Variants in UBE2A observed in about 807,000 individuals in gnomAD.
The protein encoded by UBE2A is ubiquitin-conjugating enzyme E2 A.
For synonymous variants in UBE2A, 39 were observed against 41.1 expected (o/e 0.95, Z 0.20); for missense variants, 27 against 125.8 (o/e 0.21, Z 3.76).
intron 3 of UBE2A, among the ~76,000 whole-genome samples, chrX:119,577,370 G>A (rs2053422918): frequency 9.0e-6 from 1 of 111,249 alleles, no homozygotes; most frequent in Admixed American, 9.6e-5. Context: ...ACATCACTTT[G>A]CTGGGGATTG....
intron 4 of UBE2A, 135 bp downstream of exon 4, chrX:119,581,731 C>G: frequency 1.9e-6 from 1 of 520,323 alleles, no homozygotes; most frequent in South Asian, 3.2e-5. Context: ...TGAACTTGTT[C>G]TTGGTTGTCT....
At chrX:119,579,322 A>G (rs2053436735) in intron 3 of UBE2A, among the ~76,000 whole-genome samples, 1 of 111,994 alleles carries the variant, frequency 8.9e-6, no homozygotes, top group African/African-American at 3.2e-5. Context: ...TTGAACTGTG[A>G]GTGTTTGATG....
chrX:119,577,234 T>A (rs768169455), intron 3 of UBE2A, among the ~76,000 whole-genome samples: 1 of 112,408 alleles, frequency 8.9e-6, no homozygotes, highest in South Asian at 3.6e-4. Flanking sequence ...GCACTAGTTC[T>A]TTATACCTGA....
At chrX:119,578,708 A>G (rs1246219461) in intron 3 of UBE2A, among the ~76,000 whole-genome samples, 1 of 111,713 alleles carries the variant, frequency 9.0e-6, no homozygotes, top group East Asian at 2.8e-4. Context: ...GTCTTTAGGC[A>G]GAACATATAC....
rs1223722082 is a variant in UBE2A, at chrX:119,583,703, T to A, written c.*448T>A. The stretch of plus-strand genomic sequence containing the variant: ...AAGTGAATGTGTTTGGAATATGGCC[T>A]ACAGAGAATAGAAACAAATCCATGT... On this transcript the variant is annotated 3_prime_UTR_variant, in exon 6 of 6. Transcript: ENST00000371558. 1 of 139,480 alleles carries A rather than the reference T, an allele frequency of 7.2e-6. No homozygotes were observed. The highest frequency in any genetic ancestry group is 1.4e-5 in the Non-Finnish European group (1 of 70,696). 11.5% of individuals were successfully genotyped at this position (139,480 alleles called of 1,213,427 possible). A position where few individuals can be genotyped will look rare whatever the true frequency, so the allele number is the denominator to read the frequency against.
Position 119,574,650 on chromosome X carries a change from C to T in UBE2A, c.-62C>T. On this transcript the variant is annotated 5_prime_UTR_variant, in exon 1 of 6. Coordinates refer to ENST00000371558, the MANE Select transcript of UBE2A (RefSeq NM_003336.4). ...CCTGCTTCTCCAGCCTCTTCGGCCT[C>T]CTCGCCCGCCGCGGGAACCCGAGAC... is the stretch of plus-strand genomic sequence containing the variant. 8.6e-7 allele frequency: 1 copy of T among 1,165,516 alleles called. No individual in the cohort carries two copies. Among genetic ancestry groups the T allele is most frequent in the Non-Finnish European group, 1.1e-6 (1 of 870,601 alleles).
Position 119,584,053 on chromosome X carries a change from A to G in UBE2A, c.*798A>G, listed in dbSNP as rs2053471575. The G allele has an allele frequency of 8.9e-6, 1 of 112,301 alleles. No individual in the cohort carries two copies. The highest frequency in any genetic ancestry group is 1.9e-5 in the Non-Finnish European group (1 of 53,217). 9.3% of individuals were successfully genotyped at this position (112,301 alleles called of 1,213,427 possible). A position where few individuals can be genotyped will look rare whatever the true frequency, so the allele number is the denominator to read the frequency against. ...TTTTTAAAGGATCAGTGCTGCCCTA[A>G]GTGAATAAACTCAATTGTCCATCTT... On this transcript the variant is annotated 3_prime_UTR_variant, in exon 6 of 6. Transcript: ENST00000371558.
chrX:119,577,446 C>A (rs1018975099), intron 3 of UBE2A, among the ~76,000 whole-genome samples: 1 of 110,147 alleles, frequency 9.1e-6, no homozygotes, highest in African/African-American at 3.3e-5. Flanking sequence ...TTACAGAGTC[C>A]ATTATCTACC....
At chrX:119,581,891 T>G (rs1332232632) in intron 4 of UBE2A, among the ~76,000 whole-genome samples, 1 of 112,552 alleles carries the variant, frequency 8.9e-6, no homozygotes, top group Non-Finnish European at 1.9e-5. Flanking sequence ...TAGGCCAGAT[T>G]GGGATAGTCT....
chrX:119,580,717 C>T (rs1458488502), intron 3 of UBE2A: 1 of 112,189 alleles, frequency 8.9e-6, no homozygotes, highest in Non-Finnish European at 1.9e-5. Context: ...GCTTTAGGGC[C>T]TCCTGCTACC....
rs1018265894 is a variant in UBE2A, at chrX:119,581,382, T to G, written c.152-125T>G. ...CTAGAGATGTATTTCTTACCTGGCCTTTCCTCTCTACCCTGTATCTTTGCA... is the reference window on the plus strand; with the variant it reads ...CTAGAGATGTATTTCTTACCTGGCCGTTCCTCTCTACCCTGTATCTTTGCA... On this transcript the variant is annotated intron_variant, in intron 3 of 5. Transcript: ENST00000371558. 3.0e-5 allele frequency: 14 copies of G among 467,990 alleles called. No individual in the cohort carries two copies. The African/African-American group carries it at 3.1e-4, about 11-fold the overall frequency. The allele number at this position is 467,990 out of a possible 1,213,427, so 38.6% of individuals were successfully genotyped here.
rs753442978 is a variant in UBE2A, at chrX:119,574,690, C to A, written c.-22C>A. On this transcript the variant is annotated 5_prime_UTR_variant, in exon 1 of 6. Transcript: ENST00000371558. ...GAACCCGAGACCCCAGTGTATGCCCCACCCCTGACCCCGCTCGCGACATGT... is the reference window on the plus strand; with the variant it reads ...GAACCCGAGACCCCAGTGTATGCCCAACCCCTGACCCCGCTCGCGACATGT... 4 of 1,193,138 alleles carry A rather than the reference C, an allele frequency of 3.4e-6. No individual in the cohort carries two copies. The South Asian group carries it at 7.4e-5, about 22-fold the overall frequency.
At chrX:119,575,435 C>T (rs781570033) in intron 3 of UBE2A, 35 bp downstream of exon 3, 1 of 1,209,881 alleles carries the variant, frequency 8.3e-7, no homozygotes, top group Non-Finnish European at 1.1e-6. Flanking sequence ...TTTTCAGGAG[C>T]CTGGTCATCT....
rs966470867 is a variant in UBE2A at position 119,574,750 on chromosome X, C to T, written c.39C>T (p.Phe13=). ...TPARRRLMRD[F]KRLQEDPPAG... Reference sequence around the variant, plus strand: ...CTCGGCGGCGCCTCATGCGGGACTTCAAGAGGTAAACCGAGGGGACGGCCG... The same window carrying T: ...CTCGGCGGCGCCTCATGCGGGACTTTAAGAGGTAAACCGAGGGGACGGCCG... Residue 13 remains phenylalanine (F), a synonymous_variant, in exon 1 of 6, where the codon TTC becomes TTT. Coordinates refer to ENST00000371558, the MANE Select transcript of UBE2A (RefSeq NM_003336.4). 2.6e-5 allele frequency: 31 copies of T among 1,194,363 alleles called. No individual in the cohort carries two copies. Among genetic ancestry groups the T allele is most frequent in the African/African-American group, 5.2e-5 (3 of 57,422 alleles).
intron 3 of UBE2A, among the ~76,000 whole-genome samples, chrX:119,578,820 C>G (rs950608624): frequency 1.8e-5 from 2 of 111,671 alleles, no homozygotes; most frequent in African/African-American, 3.3e-5. Context: ...TTAATTGATA[C>G]TTTCCTTACG....
At chrX:119,580,438 G>A (rs1424182390) in intron 3 of UBE2A, 1 of 112,119 alleles carries the variant, frequency 8.9e-6, no homozygotes, top group Non-Finnish European at 1.9e-5. Flanking sequence ...CTGAAGTATG[G>A]TCTGTTGTTT....
intron 3 of UBE2A, among the ~76,000 whole-genome samples, chrX:119,576,038 A>T (rs962154487): frequency 1.8e-5 from 2 of 112,365 alleles, no homozygotes; most frequent in Non-Finnish European, 1.9e-5. Context: ...CAGCTTCACA[A>T]TTGAAGTTAG....
chrX:119,582,733 T>C, intron 5 of UBE2A, 57 bp downstream of exon 5: 1 of 930,798 alleles, frequency 1.1e-6, no homozygotes, highest in South Asian at 2.0e-5. Flanking sequence ...TATTAGCAAT[T>C]GAATTGTTTT....
intron 3 of UBE2A, among the ~76,000 whole-genome samples, chrX:119,576,083 C>T (rs1364725724): frequency 8.9e-6 from 1 of 112,216 alleles, no homozygotes; most frequent in African/African-American, 3.2e-5. Context: ...GTCCTGCCTA[C>T]CTGAAAGTAC....
Sources: gnomAD v4.1 joint callset for allele counts (sites outside exome capture counted in the v4.1 genomes callset) on GRCh38, gnomAD v4.1.1 for gene constraint, MANE v1.5 for transcripts, NCBI Gene and HGNC (gene_info 2026-07-23, HGNC 2026-07-21) for gene names.